Variants in PDE4C observed in about 807,000 individuals in gnomAD.
The protein encoded by PDE4C is phosphodiesterase 4C.
PDE4C carries 50 observed loss-of-function variants against 63.9 expected under a neutral mutation model. That is an observed-to-expected ratio of 0.78 (90% CI 0.62 to 0.99). PDE4C has a LOEUF of 0.99. Ranked by LOEUF, PDE4C falls within the 50% of genes least tolerant of loss-of-function variation. The pLI is 0.00. For missense variants in PDE4C, 777 were observed against 899.1 expected (o/e 0.86, Z 1.74); for synonymous variants, 377 against 385.1 (o/e 0.98, Z 0.25).
chr19:18,210,995 A>G, exon 15 of PDE4C: 2 of 1,614,194 alleles, frequency 1.2e-6, no homozygotes, highest in South Asian at 1.1e-5. Flanking sequence ...ACAGGAGTTC[A>G]GTGTCAGGCA....
At chr19:18,232,564 A>G (rs1303877416) in intron 1 of PDE4C, among the ~76,000 whole-genome samples, 8 of 152,028 alleles carry the variant, frequency 5.3e-5, no homozygotes, top group Non-Finnish European at 8.8e-5. Flanking sequence ...ACTCAGCCAC[A>G]TACCTACAGG....
chr19:18,243,880 A>T (rs993434256), intron 1 of PDE4C, among the ~76,000 whole-genome samples: 2 of 151,842 alleles, frequency 1.3e-5, no homozygotes, highest in Non-Finnish European at 2.9e-5. Flanking sequence ...TTTGAGACAA[A>T]GTCTCACTCT....
Position 18,233,213 on chromosome 19 carries a change from G to A in PDE4C, c.-22C>T, listed in dbSNP as rs1375741232. The A allele has an allele frequency of 1.9e-6, 3 of 1,552,498 alleles. No individual in the cohort carries two copies. The African/African-American group carries it at 4.1e-5, about 21-fold the overall frequency. ...CCATGCGCCAGAGAAAGGGGTCTGG[G>A]ATAGCAGGGAGCAGGACTCGTCCCC... On this transcript the variant is annotated 5_prime_UTR_variant, in exon 1 of 15. Transcript: ENST00000594465.
intron 12 of PDE4C, 145 bp from the exon 13 acceptor site, chr19:18,213,635 T>G: frequency 1.0e-6 from 1 of 953,474 alleles, no homozygotes; most frequent in Admixed American, 3.0e-5. Flanking sequence ...TGCAACTGCA[T>G]TCACTGCAAA....
chr19:18,222,400 C>T lies in PDE4C; in HGVS notation c.147-77G>A, dbSNP rs1600084020. 26 of 1,356,270 alleles carry T rather than the reference C, an allele frequency of 1.9e-5. 1 individual carries two copies. Among genetic ancestry groups the T allele is most frequent in the Middle Eastern group, 2.7e-4 (1 of 3,750 alleles). The allele number at this position is 1,356,270 out of a possible 1,614,324, so 84.0% of individuals were successfully genotyped here. The stretch of plus-strand genomic sequence containing the variant: ...CGGGTCGTGGCCACCTTGTCTGGTG[C>T]GTCCTCCCTGGGGCTGCTTGGCAGT... On this transcript the variant is annotated intron_variant, in intron 1 of 14. Coordinates refer to ENST00000262805, the Ensembl canonical transcript of PDE4C.
intron 1 of PDE4C, among the ~76,000 whole-genome samples, chr19:18,222,996 G>A (rs900817908): frequency 2.6e-5 from 4 of 151,400 alleles, no homozygotes; most frequent in Admixed American, 2.6e-4. Context: ...CACCGCACCC[G>A]GCCTCCCCAT....
exon 12 of PDE4C, chr19:18,216,748 A>G: frequency 6.2e-7 from 1 of 1,607,808 alleles, no homozygotes; most frequent in South Asian, 1.1e-5. Context: ...CACCATGTCA[A>G]TGACCATCCT....
rs534631542 is a variant in PDE4C at position 18,213,757 on chromosome 19, G to T, written c.1390-267C>A. On this transcript the variant is annotated intron_variant, in intron 12 of 14. Coordinates refer to ENST00000262805, the Ensembl canonical transcript of PDE4C. ...AGTGGGGAGGTGATCAAATCTGTGC[G>T]CCTGGGACTTGTCAGACAGAGTCTC... Among the ~76,000 whole-genome samples, 18 of 152,216 alleles carry T rather than the reference G, an allele frequency of 1.2e-4. No individual in the cohort carries two copies. In the South Asian group the frequency reaches 3.7e-3, roughly 32 times the overall value.
chr19:18,236,476 G>C (rs1447348778), upstream of PDE4C, among the ~76,000 whole-genome samples: 1 of 152,174 alleles, frequency 6.6e-6, no homozygotes, highest in Non-Finnish European at 1.5e-5. Flanking sequence ...ACCGGCCTCA[G>C]CCTCCCAAAG....
intron 4 of PDE4C, 47 bp downstream of exon 4, chr19:18,221,058 C>CCCCCCCCCCCCCCCCCCCG: frequency 3.3e-6 from 4 of 1,221,602 alleles, no homozygotes; most frequent in Non-Finnish European, 4.7e-6. Flanking sequence ...TTCCGCCCAC[C>CCCCCCCCCCCCCCCCCCCG]TTGTCTCTGC....
In PDE4C at chr19:18,226,344, GGGGGAGCCGCGCGGGGATCCCCGA is replaced by G. The variant is rs1399126443; in HGVS notation, c.48_71del (p.Arg17_Pro24del). 10 of 1,531,724 alleles carry G rather than the reference GGGGGAGCCGCGCGGGGATCCCCGA, an allele frequency of 6.5e-6. No individual in the cohort carries two copies. In the East Asian group the frequency reaches 1.0e-4, roughly 16 times the overall value. The allele number at this position is 1,531,724 out of a possible 1,614,324, so 94.9% of individuals were successfully genotyped here. A position where few individuals can be genotyped will look rare whatever the true frequency, so the allele number is the denominator to read the frequency against. Reference sequence around the variant, plus strand: ...TCACCAAAAGCTTCCTGAAGAGCCCGGGGGAGCCGCGCGGGGATCCCCGAGGGGAGCCGGGCCCGGGGACCGGGG... The same window carrying G: ...TCACCAAAAGCTTCCTGAAGAGCCCGGGGGAGCCGGGCCCGGGGACCGGGG... On this transcript the variant is annotated inframe_deletion, in exon 1 of 15. Transcript: ENST00000262805.
chr19:18,210,406 A>T (rs1183162171), downstream of PDE4C: 1 of 152,154 alleles, frequency 6.6e-6, no homozygotes, highest in Non-Finnish European at 1.5e-5. Context: ...TGGTGCTGAA[A>T]ATTTTCCCCA....
At chr19:18,227,429 C>T (rs945490610), upstream of PDE4C, among the ~76,000 whole-genome samples, 10 of 152,128 alleles carry the variant, frequency 6.6e-5, no homozygotes, top group African/African-American at 2.2e-4. Flanking sequence ...GACAAACATC[C>T]GCACATCACC....
At chr19:18,230,935 C>T (rs1414969229), upstream of PDE4C, among the ~76,000 whole-genome samples, 5 of 152,220 alleles carry the variant, frequency 3.3e-5, no homozygotes. Flanking sequence ...AATGCTTAGA[C>T]CCTCCCATAC....
chr19:18,231,598 C>T (rs55813157), intron 1 of PDE4C, among the ~76,000 whole-genome samples: 42,228 of 151,926 alleles, frequency 0.28, 5,990 homozygotes, highest in Middle Eastern at 0.33. Flanking sequence ...AGCCAGTGGC[C>T]CCTAGGGGGT....
chr19:18,218,987 G>C (rs774386403), exon 9 of PDE4C: 10 of 1,613,502 alleles, frequency 6.2e-6, no homozygotes, highest in African/African-American at 2.7e-5. Context: ...TTCCCACTTA[G>C]CTCCGCCACC....
rs770890798 is a variant in PDE4C at position 18,221,247 on chromosome 19, C to CG, written c.375+13dup. 2 of 883,592 alleles carry CG rather than the reference C, an allele frequency of 2.3e-6. No individual in the cohort carries two copies. Among genetic ancestry groups the CG allele is most frequent in the African/African-American group, 3.4e-5 (2 of 58,732 alleles). The allele number at this position is 883,592 out of a possible 1,614,324, so 54.7% of individuals were successfully genotyped here. ...CCGGAGGGGGTCAGGGCAGGGAGGGCGGGGGACACCCACCTGGGCAAAGGG... is the reference window on the plus strand; with the variant it reads ...CCGGAGGGGGTCAGGGCAGGGAGGGCGGGGGGACACCCACCTGGGCAAAGGG... On this transcript the variant is annotated intron_variant, in intron 3 of 14. Transcript: ENST00000262805.
At chr19:18,224,274 C>A (rs1260819698) in intron 1 of PDE4C, 2 of 985,358 alleles carry the variant, frequency 2.0e-6, no homozygotes, top group East Asian at 2.3e-4. Context: ...GGAAGCGGCA[C>A]CGACAGGAAG....
upstream of PDE4C, among the ~76,000 whole-genome samples, chr19:18,230,273 C>T (rs1030864700): frequency 1.3e-5 from 2 of 152,132 alleles, no homozygotes; most frequent in Admixed American, 6.5e-5. Flanking sequence ...TGGGAGGCCA[C>T]GGTATGTGGA....
Sources: allele counts gnomAD v4.1 joint callset (sites outside exome capture counted in the v4.1 genomes callset), GRCh38; gene constraint gnomAD v4.1.1; transcripts MANE v1.5; gene names NCBI Gene and HGNC (gene_info 2026-07-23, HGNC 2026-07-21).